The following ZNF845 variants were observed in gnomAD, a reference collection of about 807,000 sequenced individuals.
ZNF845 encodes the protein zinc finger protein 845.
Under a neutral mutation model 76.1 loss-of-function variants are expected in ZNF845, and 59 were observed. The observed-to-expected ratio is 0.78, with a 90% CI of 0.63 to 0.96. The LOEUF is 0.96. Among genes scored for constraint, ZNF845 ranks in the 40% least tolerant of loss-of-function variants. ZNF845 has a pLI of 0.00. For synonymous variants in ZNF845, 361 were observed against 386.9 expected (o/e 0.93, Z 0.78); for missense variants, 1,045 against 1,172.8 (o/e 0.89, Z 1.59).
At chr19:53,349,157 G>T (rs531722661) in intron 3 of ZNF845, among the ~76,000 whole-genome samples, 1 of 151,960 alleles carries the variant, frequency 6.6e-6, no homozygotes, top group Non-Finnish European at 1.5e-5. Context: ...GCGCCCAGCC[G>T]TTAGTCACTT....
In ZNF845 at chr19:53,354,689, CCTT is replaced by C. The variant is rs1378409949; in HGVS notation, c.*1102_*1104del. 1.3e-5 allele frequency: 2 copies of C among 152,142 alleles called. No homozygotes were observed. Among genetic ancestry groups the C allele is most frequent in the Non-Finnish European group, 2.9e-5 (2 of 68,082 alleles). The allele number at this position is 152,142 out of a possible 1,614,324, so 9.4% of individuals were successfully genotyped here. On this transcript the variant is annotated 3_prime_UTR_variant, in exon 4 of 4. Transcript: ENST00000458035. Reference sequence around the variant, plus strand: ...ATTTCAAGGTACAAGCTTCTCACCTCCTTAATTCAGTTTATTTGTAAGTATTAA... The same window carrying C: ...ATTTCAAGGTACAAGCTTCTCACCTCAATTCAGTTTATTTGTAAGTATTAA...
At chr19:53,344,693 C>G (rs1270203600) in intron 2 of ZNF845, among the ~76,000 whole-genome samples, 2 of 144,726 alleles carry the variant, frequency 1.4e-5, no homozygotes, top group African/African-American at 2.6e-5. Flanking sequence ...TGTAATGGCA[C>G]AATCTCAGCT....
chr19:53,346,122 G>T (rs1304199974), intron 3 of ZNF845, among the ~76,000 whole-genome samples: 1 of 152,144 alleles, frequency 6.6e-6, no homozygotes. Flanking sequence ...TGCCTTCTGA[G>T]TGCAGAGTTA....
chr19:53,338,445 G>A (rs2017084), intron 1 of ZNF845, among the ~76,000 whole-genome samples: 17,928 of 152,096 alleles, frequency 0.12, 1,194 homozygotes, highest in East Asian at 0.18. Flanking sequence ...TGCGCTCAGC[G>A]TCAAGGGTCC....
rs775991640 is a variant in ZNF845, at chr19:53,353,348, A to G, written c.2673A>G (p.Lys891=). The G allele has an allele frequency of 7.4e-6, 12 of 1,613,108 alleles. No individual in the cohort carries two copies. In the South Asian group the frequency reaches 1.3e-4, roughly 18 times the overall value. ...GAGAGAAACCTTACAAGTGTAATAA[A>G]TGTGGTAAGGTTTTTAATCAACAAG... The part of the protein sequence containing the change: ...HTGEKPYKCN[K]CGKVFNQQAH... The change falls in exon 4 of 4, where the codon AAA becomes AAG. Residue 891 remains lysine (K), a synonymous_variant. Transcript: ENST00000458035.
chr19:53,341,466 A>G (rs1349300530), intron 2 of ZNF845, 144 bp downstream of exon 2: 1 of 1,307,150 alleles, frequency 7.7e-7, no homozygotes, highest in Non-Finnish European at 1.1e-6. Context: ...AGTCCCTCTC[A>G]TCTCGCTTAG....
chr19:53,350,421 G>A (rs1483365036), intron 3 of ZNF845, among the ~76,000 whole-genome samples: 3 of 152,158 alleles, frequency 2.0e-5, no homozygotes, highest in Non-Finnish European at 4.4e-5. Flanking sequence ...AGTATATTGT[G>A]TGGTCTTTTA....
rs931526813 is a variant in ZNF845 at position 53,355,223 on chromosome 19, A to T, written c.*1635A>T. On this transcript the variant is annotated 3_prime_UTR_variant, in exon 4 of 4. Transcript: ENST00000458035. Reference sequence around the variant, plus strand: ...CACCGCACCCAGCCAGTGATTTTCTATATAGAATGTCGTATCATCTACAAG... The same window carrying T: ...CACCGCACCCAGCCAGTGATTTTCTTTATAGAATGTCGTATCATCTACAAG... The T allele has an allele frequency of 6.6e-6, 1 of 151,772 alleles. No homozygotes were observed. Among genetic ancestry groups the T allele is most frequent in the African/African-American group, 2.4e-5 (1 of 41,324 alleles). The allele number at this position is 151,772 out of a possible 1,614,324, so 9.4% of individuals were successfully genotyped here.
intron 3 of ZNF845, among the ~76,000 whole-genome samples, chr19:53,349,333 C>T (rs542253508): frequency 6.6e-5 from 10 of 151,932 alleles, no homozygotes; most frequent in South Asian, 2.1e-4. Flanking sequence ...GGCGCGATCT[C>T]GGCTCACTGC....
At chr19:53,347,251 T>C (rs7260372) in intron 3 of ZNF845, among the ~76,000 whole-genome samples, 75,409 of 151,276 alleles carry the variant, frequency 0.5, 19,123 homozygotes, top group African/African-American at 0.56. Context: ...AGTTACTCTT[T>C]AGACTTCTTT....
chr19:53,337,270 G>T, intron 1 of ZNF845: 1 of 427,478 alleles, frequency 2.3e-6, no homozygotes, highest in South Asian at 1.7e-5. Context: ...GCTCAGAGAT[G>T]TCTCCCATGC....
chr19:53,346,920 G>C (rs2085300754), intron 3 of ZNF845, among the ~76,000 whole-genome samples: 1 of 150,426 alleles, frequency 6.6e-6, no homozygotes, highest in African/African-American at 2.4e-5. Flanking sequence ...GTTTTGTTCT[G>C]TTGCCTAGGC....
Position 53,341,562 on chromosome 19 carries a change from G to C in ZNF845, c.15+240G>C, listed in dbSNP as rs149731661. Among the ~76,000 whole-genome samples the C allele has an allele frequency of 6.9e-3, 1,054 of 152,168 alleles. 6 individuals carry two copies. Among genetic ancestry groups the C allele is most frequent in the Non-Finnish European group, 9.9e-3 (676 of 68,002 alleles). Reference sequence around the variant, plus strand: ...TGGGAAGGGCTCACACCGAGACATGGATGGAGATGGGATGAGGGCCCCATG... The same window carrying C: ...TGGGAAGGGCTCACACCGAGACATGCATGGAGATGGGATGAGGGCCCCATG... On this transcript the variant is annotated intron_variant, in intron 2 of 3. Transcript: ENST00000458035.
Position 53,351,908 on chromosome 19 carries a change from T to G in ZNF845, c.1233T>G (p.Tyr411Ter). 6.4e-7 allele frequency: 1 copy of G among 1,573,814 alleles called. No homozygotes were observed. The highest frequency in any genetic ancestry group is 8.6e-7 in the Non-Finnish European group (1 of 1,160,502). ...HRRLHTGEKP[Y>*]KCNDCGKTFS... is the part of the protein sequence containing the mutation. ...GACTTCATACTGGAGAGAAACCTTA[T>G]AAGTGTAATGATTGTGGCAAGACCT... Residue 411 changes from tyrosine to a stop codon, truncating the protein, a stop_gained, in exon 4 of 4, where the codon TAT (tyrosine) becomes TAG (stop). Coordinates refer to ENST00000458035, the MANE Select transcript of ZNF845 (RefSeq NM_138374.3). LOFTEE classifies it high-confidence loss of function.
chr19:53,347,228 A>G lies in ZNF845; in HGVS notation c.142+1596A>G, dbSNP rs543879200. ...ACCTTTACTGGAGAACTTTTTGTAT[A>G]TTTGTGGGTTGGAGTTACTCTTTAG... is the stretch of plus-strand genomic sequence containing the variant. On this transcript the variant is annotated intron_variant, in intron 3 of 3. Coordinates refer to ENST00000458035, the MANE Select transcript of ZNF845 (RefSeq NM_138374.3). Among the ~76,000 whole-genome samples the G allele has an allele frequency of 8.8e-5, 13 of 148,356 alleles. No homozygotes were observed. In the South Asian group the frequency reaches 2.8e-3, roughly 32 times the overall value.
At chr19:53,346,110 T>C (rs1046973421) in intron 3 of ZNF845, among the ~76,000 whole-genome samples, 1 of 152,210 alleles carries the variant, frequency 6.6e-6, no homozygotes, top group African/African-American at 2.4e-5. Flanking sequence ...TGAGCCAGTC[T>C]TTGCCTTCTG....
intron 1 of ZNF845, among the ~76,000 whole-genome samples, chr19:53,336,123 A>G (rs2085211413): frequency 6.6e-6 from 1 of 151,772 alleles, no homozygotes; most frequent in African/African-American, 2.4e-5. Context: ...GAGGCAGGAG[A>G]ATCACTTGAA....
At chr19:53,336,920 C>T (rs2085219544) in intron 1 of ZNF845, among the ~76,000 whole-genome samples, 7 of 152,190 alleles carry the variant, frequency 4.6e-5, no homozygotes, top group Admixed American at 4.6e-4. Context: ...TGTAGTTTAA[C>T]GAGTTAGCCT....
chr19:53,354,957 T>C lies in ZNF845; in HGVS notation c.*1369T>C, dbSNP rs1239537533. 1.3e-5 allele frequency: 2 copies of C among 152,032 alleles called. No homozygotes were observed. The highest frequency in any genetic ancestry group is 4.8e-5 in the African/African-American group (2 of 41,378). 9.4% of individuals were successfully genotyped at this position (152,032 alleles called of 1,614,324 possible). A position where few individuals can be genotyped will look rare whatever the true frequency, so the allele number is the denominator to read the frequency against. ...TTTTTGAGAAGGAGTCTCACTCTTGTCACTTGGACTGGAGTACAATGGCAC... is the reference window on the plus strand; with the variant it reads ...TTTTTGAGAAGGAGTCTCACTCTTGCCACTTGGACTGGAGTACAATGGCAC... On this transcript the variant is annotated 3_prime_UTR_variant, in exon 4 of 4. Coordinates refer to ENST00000458035, the MANE Select transcript of ZNF845 (RefSeq NM_138374.3).
Sources: allele counts gnomAD v4.1 joint callset (sites outside exome capture counted in the v4.1 genomes callset), GRCh38; gene constraint gnomAD v4.1.1; transcripts MANE v1.5; gene names NCBI Gene and HGNC (gene_info 2026-07-23, HGNC 2026-07-21).